Variants in JAG1 observed in about 807,000 individuals in gnomAD.
The protein encoded by JAG1 is jagged canonical Notch ligand 1, also known as protein jagged-1.
JAG1 carries 23 observed loss-of-function variants against 148.7 expected under a neutral mutation model. The observed-to-expected ratio is 0.15, with a 90% CI of 0.11 to 0.22. The LOEUF is 0.22. Ranked by LOEUF, JAG1 falls within the 10% of genes least tolerant of loss-of-function variation. JAG1 has a pLI of 1.00. For missense variants in JAG1, 1,054 were observed against 1,611.2 expected (o/e 0.65, Z 5.92); for synonymous variants, 572 against 598.3 (o/e 0.96, Z 0.64).
chr20:10,644,535 G>A (rs908757108), intron 18 of JAG1, 151 bp from the exon 19 acceptor site: 16 of 712,928 alleles, frequency 2.2e-5, no homozygotes, highest in East Asian at 1.1e-4. Flanking sequence ...AACCAGGCCC[G>A]CACCACACTT....
intron 2 of JAG1, among the ~76,000 whole-genome samples, chr20:10,667,138 C>A (rs1371687512): frequency 6.6e-6 from 1 of 152,240 alleles, no homozygotes; most frequent in African/African-American, 2.4e-5. Context: ...GCGGCTGCCT[C>A]CCCTCCTGCC....
rs764453922 is a variant in JAG1 at position 10,645,234 on chromosome 20, G to T, written c.2136C>A (p.Ala712=). The part of the protein sequence containing the change: ...CHSRDSQCDE[A]TCNNGGTCYD... ...AGCAGGTGCCACCGTTGTTGCACGTGGCCTCATCACACTGACTGTCACCTG... is the reference window on the plus strand; with the variant it reads ...AGCAGGTGCCACCGTTGTTGCACGTTGCCTCATCACACTGACTGTCACCTG... Residue 712 remains alanine, a synonymous_variant, in exon 17 of 26, where the codon GCC becomes GCA. Transcript: ENST00000254958. This position sits in a 1 kb window ranked among gnomAD's most constrained non-coding sequence, Gnocchi z 6.1. 2.0e-5 allele frequency: 33 copies of T among 1,613,944 alleles called. No individual in the cohort carries two copies. Among genetic ancestry groups the T allele is most frequent in the Non-Finnish European group, 2.5e-5 (30 of 1,179,972 alleles).
intron 2 of JAG1, among the ~76,000 whole-genome samples, chr20:10,667,153 T>C (rs1348007188): frequency 6.6e-6 from 1 of 152,216 alleles, no homozygotes; most frequent in East Asian, 1.9e-4. Context: ...CCTGCCAAGC[T>C]GACGGACACA....
chr20:10,639,623 G>C lies in JAG1; in HGVS notation c.3532C>G (p.Leu1178Val). 1 of 1,614,212 alleles carries C rather than the reference G, an allele frequency of 6.2e-7. No homozygotes were observed. The highest frequency in any genetic ancestry group is 1.6e-4 in the Middle Eastern group (1 of 6,062). Residue 1178 changes from leucine to valine, a missense_variant, in exon 26 of 26, where the codon CTG becomes GTG. By Grantham distance (32) the Leu-to-Val change is conservative. Coordinates refer to ENST00000254958, the MANE Select transcript of JAG1 (RefSeq NM_000214.3). ...GGGGGCTTCTCTTCTCTGTCTACCA[G>C]CGTGTACGCCGGCTGCTTGGCAAAC... ...ARFAKQPAYT[L>V]VDREEKPPNG...
intron 5 of JAG1, among the ~76,000 whole-genome samples, chr20:10,655,133 C>T (rs2067370249): frequency 6.6e-6 from 1 of 152,164 alleles, no homozygotes. Flanking sequence ...AGAGACAATT[C>T]GGGACAACCA....
Position 10,644,997 on chromosome 20 carries a change from ACACGAC to A in JAG1, c.2228-24_2228-19del. 3 of 1,593,088 alleles carry A rather than the reference ACACGAC, an allele frequency of 1.9e-6. No individual in the cohort carries two copies. The highest frequency in any genetic ancestry group is 2.6e-6 in the Non-Finnish European group (3 of 1,160,904). On this transcript the variant is annotated intron_variant, in intron 17 of 25. Coordinates refer to ENST00000254958, the MANE Select transcript of JAG1 (RefSeq NM_000214.3). ...GTTTCGGGCTATAAAAGAAGAGCAG[ACACGAC>A]CACCCTCCCTGAGTATCCAGAAACA...
In JAG1 at chr20:10,641,448, G is replaced by A. The variant is rs1232264115; in HGVS notation, c.2916+12C>T. 1.1e-5 allele frequency: 18 copies of A among 1,608,258 alleles called. No individual in the cohort carries two copies. The highest frequency in any genetic ancestry group is 2.2e-5 in the East Asian group (1 of 44,852). On this transcript the variant is annotated intron_variant, in intron 23 of 25. Coordinates refer to ENST00000254958, the MANE Select transcript of JAG1 (RefSeq NM_000214.3). ...TCCACCATTCAAAAAAAAAACAAAG[G>A]TTGTTACATACTGGTGACATCATCT...
rs1816440966 is a variant in JAG1, at chr20:10,645,061, T to C, written c.2227+82A>G. The C allele has an allele frequency of 6.6e-7, 1 of 1,512,540 alleles. No individual in the cohort carries two copies. Among genetic ancestry groups the C allele is most frequent in the Non-Finnish European group, 9.2e-7 (1 of 1,087,654 alleles). 93.7% of individuals were successfully genotyped at this position (1,512,540 alleles called of 1,614,324 possible). On this transcript the variant is annotated intron_variant, in intron 17 of 25. Transcript: ENST00000254958. This position sits in a 1 kb window ranked among gnomAD's most constrained non-coding sequence, Gnocchi z 6.1. The stretch of plus-strand genomic sequence containing the variant: ...GGGGCAAGAACCAGGCCCAGAGAAA[T>C]ATCATAAGCTCCAGGGGCCAACCAG...
intron 2 of JAG1, among the ~76,000 whole-genome samples, chr20:10,670,335 T>G (rs189645892): frequency 6.6e-6 from 1 of 152,220 alleles, no homozygotes; most frequent in African/African-American, 2.4e-5. Flanking sequence ...TTGTGCCTGC[T>G]AGGGGTTGGG....
Position 10,648,739 on chromosome 20 carries a change from GGAGA to G in JAG1, c.1396-21_1396-18del, listed in dbSNP as rs544547916. 1.2e-6 allele frequency: 2 copies of G among 1,612,828 alleles called. No individual in the cohort carries two copies. Among genetic ancestry groups the G allele is most frequent in the Admixed American group, 1.7e-5 (1 of 60,024 alleles). On this transcript the variant is annotated intron_variant, in intron 11 of 25. Transcript: ENST00000254958. Reference sequence around the variant, plus strand: ...AACCAAATCCTAGAAGAGGAGAAGGGGAGAGAGAGACACATGCTTTTTTTCTATG... The same window carrying G: ...AACCAAATCCTAGAAGAGGAGAAGGGGAGAGACACATGCTTTTTTTCTATG...
intron 20 of JAG1, 31 bp from the exon 21 acceptor site, chr20:10,642,632 T>C: frequency 8.2e-7 from 1 of 1,225,290 alleles, no homozygotes; most frequent in Admixed American, 1.7e-5. Flanking sequence ...GTTTAGGGAC[T>C]GATGGTGTGT....
intron 3 of JAG1, among the ~76,000 whole-genome samples, chr20:10,660,113 C>T (rs946698927): frequency 6.6e-6 from 1 of 152,220 alleles, no homozygotes; most frequent in Non-Finnish European, 1.5e-5. Context: ...TTCTAGGCCT[C>T]GGGCCAGTGC....
chr20:10,649,975 A>T (rs536778001), intron 9 of JAG1, among the ~76,000 whole-genome samples: 2 of 152,318 alleles, frequency 1.3e-5, no homozygotes, highest in South Asian at 4.1e-4. Context: ...TCCTCATGAG[A>T]TCATCCCCTT....
chr20:10,644,321 T>C (rs781386490), intron 19 of JAG1, 36 bp downstream of exon 19: 4 of 1,312,064 alleles, frequency 3.0e-6, no homozygotes, highest in Non-Finnish European at 4.3e-6. Context: ...CACACGATAG[T>C]GGATGAGTGC....
In JAG1 at chr20:10,639,893, C is replaced by T; in HGVS notation, c.3262G>A (p.Ala1088Thr). Residue 1088 changes from alanine to threonine, a missense_variant, in exon 26 of 26, where the codon GCC (alanine) becomes ACC (threonine). Transcript: ENST00000254958. ...TVAWICCLVT[A>T]FYWCLRKRRK... ...CGCTTCCGCAGGCACCAGTAGAAGG[C>T]CGTCACCAAGCAACAGATCCAAGCC... The T allele has an allele frequency of 6.2e-7, 1 of 1,614,176 alleles. No homozygotes were observed. Among genetic ancestry groups the T allele is most frequent in the Non-Finnish European group, 8.5e-7 (1 of 1,180,040 alleles).
chr20:10,673,476 C>A lies in JAG1; in HGVS notation c.55G>T (p.Ala19Ser). 3 of 1,373,712 alleles carry A rather than the reference C, an allele frequency of 2.2e-6. No homozygotes were observed. The highest frequency in any genetic ancestry group is 2.8e-6 in the Non-Finnish European group (3 of 1,059,228). The allele number at this position is 1,373,712 out of a possible 1,614,324, so 85.1% of individuals were successfully genotyped here. A position where few individuals can be genotyped will look rare whatever the true frequency, so the allele number is the denominator to read the frequency against. Reference sequence around the variant, plus strand: ...TTGGCTCGCAGGGCACAGAGCAGGGCGAGCAGGAGGCTTAGGGGGCGCCCG... The same window carrying A: ...TTGGCTCGCAGGGCACAGAGCAGGGAGAGCAGGAGGCTTAGGGGGCGCCCG... ...RSGRPLSLLL[A>S]LLCALRAKVC... Residue 19 changes from alanine to serine, a missense_variant, in exon 1 of 26, where the codon GCC becomes TCC. By Grantham distance (99) the Ala-to-Ser change is moderately conservative. Around this residue, in one of 6 missense-constraint regions of JAG1, gnomAD observed 151 missense variants for 211.1 expected, o/e 0.72. Transcript: ENST00000254958. The surrounding 1 kb of genome is among the most constrained non-coding windows in gnomAD (Gnocchi z 4.7).
Position 10,673,527 on chromosome 20 carries a change from G to C in JAG1, c.4C>G (p.Arg2Gly), listed in dbSNP as rs984916696. The C allele has an allele frequency of 1.6e-6, 2 of 1,243,126 alleles. No homozygotes were observed. The highest frequency in any genetic ancestry group is 3.1e-5 in the African/African-American group (2 of 64,016). The allele number at this position is 1,243,126 out of a possible 1,614,324, so 77.0% of individuals were successfully genotyped here. Reference protein sequence around the residue: MRSPRTRGRSGR... With the variant: MGSPRTRGRSGR... The stretch of plus-strand genomic sequence containing the variant: ...GACCGGCCGCGCGTCCGTGGGGAAC[G>C]CATCGCTGCGCCGCGCGCCGCGGGC... Residue 2 changes from arginine to glycine, a missense_variant, in exon 1 of 26, where the codon CGT (arginine) becomes GGT (glycine). Arg to Gly is a moderately radical substitution (Grantham distance 125). Transcript: ENST00000254958. This position sits in a 1 kb window ranked among gnomAD's most constrained non-coding sequence, Gnocchi z 4.7.
Position 10,664,004 on chromosome 20 carries a change from G to A in JAG1, c.398C>T (p.Thr133Met), listed in dbSNP as rs769234260. ...GGAATCCCACGCCTCCACAAGCAAC[G>A]TATAGGACCTCTGCAAGACAAACAA... The part of the protein sequence containing the change: ...PFSFAWPRSY[T>M]LLVEAWDSSN... The change falls in exon 3 of 26, where the codon ACG becomes ATG. Residue 133 changes from threonine to methionine, a missense_variant. Physicochemically the swap from Thr to Met is moderately conservative, Grantham distance 81. This residue lies in a region of JAG1 where 151 missense variants were observed against 211.1 expected (regional missense o/e 0.72). Transcript: ENST00000254958. 1.9e-6 allele frequency: 3 copies of A among 1,613,612 alleles called. No homozygotes were observed. Among genetic ancestry groups the A allele is most frequent in the South Asian group, 1.1e-5 (1 of 91,066 alleles).
At chr20:10,644,622 G>A in intron 18 of JAG1, 1 of 640,998 alleles carries the variant, frequency 1.6e-6, no homozygotes, top group Non-Finnish European at 2.8e-6. Flanking sequence ...AGAATGGAAG[G>A]AGACAGGCTG....
Sources: allele counts gnomAD v4.1 joint callset (sites outside exome capture counted in the v4.1 genomes callset), GRCh38; gene constraint gnomAD v4.1.1; regional missense constraint gnomAD v4.1.1; non-coding constraint Gnocchi (gnomAD v3.1); transcripts MANE v1.5; gene names NCBI Gene and HGNC (gene_info 2026-07-23, HGNC 2026-07-21).